The following MYO5B variants were observed in gnomAD, a reference collection of about 807,000 sequenced individuals.
MYO5B encodes the protein unconventional myosin-Vb.
A neutral mutation model predicts 229.3 loss-of-function variants in MYO5B; 143 were observed. The ratio of observed to expected loss-of-function variants is 0.62; its 90% CI spans 0.54 to 0.72. The LOEUF is 0.72. Among genes scored for constraint, MYO5B ranks in the 30% least tolerant of loss-of-function variants. The pLI is 0.00. For missense variants in MYO5B, 2,321 were observed against 2,331.0 expected, an observed-to-expected ratio of 1.00 and a Z score of 0.09; for synonymous variants, 918 against 885.2, an observed-to-expected ratio of 1.04 and a Z score of -0.66.
chr18:50,189,972 C>A (rs1177818752), intron 1 of MYO5B, among the ~76,000 whole-genome samples: 2 of 152,126 alleles, frequency 1.3e-5, no homozygotes, highest in Non-Finnish European at 2.9e-5. Flanking sequence ...AGTAAAGTAA[C>A]CTCCCAGCAG....
chr18:50,055,247 C>A (rs756408898), intron 2 of MYO5B, 21 bp downstream of exon 2: 4 of 1,214,380 alleles, frequency 3.3e-6, no homozygotes, highest in African/African-American at 1.5e-5. Flanking sequence ...CCCCGCCCCC[C>A]TGCCCCGGAC....
intron 10 of MYO5B, among the ~76,000 whole-genome samples, chr18:49,965,278 C>A (rs1380970536): frequency 2.6e-5 from 4 of 152,124 alleles, no homozygotes; most frequent in Non-Finnish European, 5.9e-5. Flanking sequence ...CTCACCATGC[C>A]GGCAACATTA....
intron 1 of MYO5B, among the ~76,000 whole-genome samples, chr18:50,103,200 G>T (rs951623199): frequency 1.3e-5 from 2 of 152,242 alleles, no homozygotes; most frequent in African/African-American, 4.8e-5. Context: ...CTCAACAGTG[G>T]ACCAAAAGGT....
chr18:49,834,957 A>C (rs1367663916), intron 39 of MYO5B, among the ~76,000 whole-genome samples: 1 of 152,214 alleles, frequency 6.6e-6, no homozygotes, highest in Non-Finnish European at 1.5e-5. Context: ...AGTCTTAGAC[A>C]AAGATTTAAG....
At chr18:50,154,043 C>CT (rs1389891507) in intron 1 of MYO5B, among the ~76,000 whole-genome samples, 1 of 152,148 alleles carries the variant, frequency 6.6e-6, no homozygotes, top group Non-Finnish European at 1.5e-5. Flanking sequence ...ACACAGGACC[C>CT]TTCTCTGCCT....
intron 4 of MYO5B, among the ~76,000 whole-genome samples, chr18:50,036,089 A>G (rs138875675): frequency 1.3e-5 from 2 of 152,346 alleles, no homozygotes; most frequent in East Asian, 3.9e-4. Context: ...AGACTTTGCT[A>G]TATGTTGCCA....
At chr18:50,148,499 C>T (rs1322568390) in intron 1 of MYO5B, among the ~76,000 whole-genome samples, 2 of 152,116 alleles carry the variant, frequency 1.3e-5, no homozygotes, top group Non-Finnish European at 2.9e-5. Context: ...ATCAAGTGGG[C>T]TTCATCCCTG....
At chr18:50,194,489 G>T (rs1369460179) in intron 1 of MYO5B, among the ~76,000 whole-genome samples, 1 of 152,214 alleles carries the variant, frequency 6.6e-6, no homozygotes, top group Non-Finnish European at 1.5e-5. Flanking sequence ...GGGGCGCGGC[G>T]GGGAGGGGGC....
chr18:50,034,443 T>C (rs539278490), intron 4 of MYO5B, among the ~76,000 whole-genome samples: 109 of 152,292 alleles, frequency 7.2e-4, no homozygotes, highest in African/African-American at 2.5e-3. Context: ...ACAACAGAAG[T>C]AATTCAAAAT....
chr18:50,135,380 T>A (rs1036451670), intron 1 of MYO5B, among the ~76,000 whole-genome samples: 10 of 152,232 alleles, frequency 6.6e-5, no homozygotes, highest in Non-Finnish European at 1.2e-4. Flanking sequence ...TATGTAATGA[T>A]GAAAGGAGAA....
At chr18:50,188,816 A>AAAAAAC (rs1568138517) in intron 1 of MYO5B, among the ~76,000 whole-genome samples, 1 of 141,300 alleles carries the variant, frequency 7.1e-6, no homozygotes, top group African/African-American at 2.6e-5. Context: ...AAAAAAAAAA[A>AAAAAAC]ACACACACAC....
rs535474958 is a variant in MYO5B, at chr18:49,978,454, C to A, written c.1056+1990G>T. Among the ~76,000 whole-genome samples, 9 of 152,094 alleles carry A rather than the reference C, an allele frequency of 5.9e-5. No individual in the cohort carries two copies. The South Asian group carries it at 1.9e-3, about 32-fold the overall frequency. On this transcript the variant is annotated intron_variant, in intron 9 of 39. Coordinates refer to ENST00000285039, the MANE Select transcript of MYO5B (RefSeq NM_001080467.3). ...AGGTAGGTGTCCACGGACTCCCCAG[C>A]CCTGGTTCTCATGCTAACCATCAGC...
intron 31 of MYO5B, chr18:49,850,400 A>C (rs894072438): frequency 2.0e-5 from 3 of 152,752 alleles, no homozygotes; most frequent in Admixed American, 2.0e-4. Context: ...ACAACTTTTT[A>C]AGATCAGCCT....
At chr18:50,001,575 T>G (rs1196192695) in intron 4 of MYO5B, among the ~76,000 whole-genome samples, 164 bp from the exon 5 acceptor site, 1 of 152,138 alleles carries the variant, frequency 6.6e-6, no homozygotes, top group East Asian at 1.9e-4. Flanking sequence ...CCCCGACACC[T>G]GCAAACATCC....
Position 50,194,651 on chromosome 18 carries a change from G to A in MYO5B, c.27+116C>T, listed in dbSNP as rs986377565. 7.3e-6 allele frequency: 5 copies of A among 681,936 alleles called. No homozygotes were observed. In the Admixed American group the frequency reaches 1.1e-4, roughly 14 times the overall value. The allele number at this position is 681,936 out of a possible 1,614,324, so 42.2% of individuals were successfully genotyped here. On this transcript the variant is annotated intron_variant, in intron 1 of 39. Transcript: ENST00000285039. ...AGTGACGAGGAGGACACCGCGGAGG[G>A]GGGTCTCCCGTCACCTCCCGCCTCC...
Position 49,998,716 on chromosome 18 carries a change from C to T in MYO5B, c.612+2539G>A, listed in dbSNP as rs145807092. On this transcript the variant is annotated intron_variant, in intron 5 of 39. Transcript: ENST00000285039. The stretch of plus-strand genomic sequence containing the variant: ...AGCAAAATATTAATATATGCCAAAA[C>T]ATGATTGAACTTTGACAACATTATG... Among the ~76,000 whole-genome samples the T allele has an allele frequency of 3.5e-4, 53 of 152,304 alleles. 1 individual carries two copies. The East Asian group carries it at 7.3e-3, about 21-fold the overall frequency.
intron 2 of MYO5B, among the ~76,000 whole-genome samples, chr18:50,043,740 G>C (rs897407826): frequency 6.8e-6 from 1 of 147,574 alleles, no homozygotes; most frequent in Non-Finnish European, 1.5e-5. Flanking sequence ...AAAAAGGAAT[G>C]AATGGCATTA....
chr18:50,042,225 G>A (rs889139084), intron 2 of MYO5B, among the ~76,000 whole-genome samples: 40 of 152,004 alleles, frequency 2.6e-4, no homozygotes, highest in African/African-American at 8.5e-4. Context: ...CCAAGATATG[G>A]ACTCACTGAA....
intron 1 of MYO5B, among the ~76,000 whole-genome samples, chr18:50,107,551 T>A (rs1343284228): frequency 6.6e-6 from 1 of 152,154 alleles, no homozygotes; most frequent in Non-Finnish European, 1.5e-5. Context: ...ATCCCCTCAA[T>A]TTACAGATGC....
Sources: gnomAD v4.1 joint callset for allele counts (sites outside exome capture counted in the v4.1 genomes callset) on GRCh38, gnomAD v4.1.1 for gene constraint, MANE v1.5 for transcripts, NCBI Gene and HGNC (gene_info 2026-07-23, HGNC 2026-07-21) for gene names.